KIAA1671: variants seen among roughly 807,000 people sequenced by gnomAD.
KIAA1671 encodes uncharacterized protein KIAA1671.
KIAA1671 carries 52 observed loss-of-function variants against 131.2 expected under a neutral mutation model. The observed-to-expected ratio is 0.40, with a 90% CI of 0.32 to 0.50. The LOEUF is 0.50. KIAA1671 is among the 20% of genes least tolerant of loss of function. KIAA1671 has a pLI of 0.73. For missense variants in KIAA1671, 2,360 were observed against 2,364.2 expected (o/e 1.00, Z 0.04); for synonymous variants, 1,003 against 961.6 (o/e 1.04, Z -0.80).
chr22:25,184,555 G>T (rs957018800), intron 10 of KIAA1671, among the ~76,000 whole-genome samples: 3 of 152,118 alleles, frequency 2.0e-5, no homozygotes, highest in Admixed American at 6.6e-5. Flanking sequence ...TTGCCCTCCG[G>T]TTTTCTTATG....
chr22:25,082,849 AC>A (rs1226030432), intron 6 of KIAA1671, among the ~76,000 whole-genome samples: 1 of 152,210 alleles, frequency 6.6e-6, no homozygotes, highest in Non-Finnish European at 1.5e-5. Context: ...GAACAAAAAA[AC>A]AAAAAACACC....
At position 25,148,189 on chromosome 22, in the gene KIAA1671, T is replaced by G. The variant is rs568802728; in HGVS notation, c.4531-22631T>G. Among the ~76,000 whole-genome samples the G allele has an allele frequency of 6.0e-5, 9 of 150,800 alleles. No individual in the cohort carries two copies. In the South Asian group the frequency reaches 8.5e-4, roughly 14 times the overall value. On this transcript the variant is annotated intron_variant, in intron 6 of 12. Coordinates refer to ENST00000358431, the MANE Select transcript of KIAA1671 (RefSeq NM_001145206.2). Reference sequence around the variant, plus strand: ...CCAGCCCTGCCTCAGTCCCAGCCCTTTCTCAGTCCCAGCACCCCCCTCAGT... The same window carrying G: ...CCAGCCCTGCCTCAGTCCCAGCCCTGTCTCAGTCCCAGCACCCCCCTCAGT...
At chr22:24,975,712 A>G (rs1052753296) in intron 1 of KIAA1671, among the ~76,000 whole-genome samples, 2 of 152,226 alleles carry the variant, frequency 1.3e-5, no homozygotes, top group Admixed American at 6.5e-5. Context: ...GGAGGATCCC[A>G]TCAGACAGGC....
chr22:25,011,822 A>G (rs1378167091), intron 1 of KIAA1671: 1 of 151,414 alleles, frequency 6.6e-6, no homozygotes, highest in Non-Finnish European at 1.5e-5. Context: ...TTTTTAGTAG[A>G]GACAGGGTTT....
chr22:24,979,627 G>A (rs1242981093), intron 1 of KIAA1671, among the ~76,000 whole-genome samples: 47 of 151,208 alleles, frequency 3.1e-4, no homozygotes, highest in Admixed American at 3.1e-3. Context: ...GGGATTACAG[G>A]CGTGAGCCAC....
chr22:25,014,256 G>A (rs1371828152), intron 1 of KIAA1671: 2 of 152,266 alleles, frequency 1.3e-5, no homozygotes, highest in African/African-American at 2.4e-5. Flanking sequence ...CTGAAAGATG[G>A]TCATGACATA....
intron 6 of KIAA1671, among the ~76,000 whole-genome samples, chr22:25,156,484 G>A (rs1933247134): frequency 6.6e-6 from 1 of 151,970 alleles, no homozygotes; most frequent in African/African-American, 2.4e-5. Context: ...ATTTGTGTGT[G>A]TGTGCATGTG....
At chr22:25,072,851 A>C (rs1278430432) in intron 6 of KIAA1671, among the ~76,000 whole-genome samples, 1 of 152,210 alleles carries the variant, frequency 6.6e-6, no homozygotes, top group Non-Finnish European at 1.5e-5. Context: ...TTTGGTGACC[A>C]GCTAACCAGG....
At chr22:25,013,348 C>A (rs1925139697) in intron 1 of KIAA1671, 1 of 152,078 alleles carries the variant, frequency 6.6e-6, no homozygotes, top group South Asian at 2.1e-4. Context: ...TCAGGGTCTG[C>A]TGTATTGACT....
chr22:25,087,173 C>T (rs1320058081), intron 6 of KIAA1671, among the ~76,000 whole-genome samples: 1 of 131,886 alleles, frequency 7.6e-6, no homozygotes, highest in East Asian at 2.7e-4. Flanking sequence ...GCCGCTGCCT[C>T]CGGGATCTTA....
At chr22:25,169,823 C>G (rs1488706542) in intron 6 of KIAA1671, among the ~76,000 whole-genome samples, 3 of 152,216 alleles carry the variant, frequency 2.0e-5, no homozygotes, top group African/African-American at 7.2e-5. Context: ...TGCAACAGCC[C>G]AAGGGATTGA....
Position 25,028,758 on chromosome 22 carries a change from T to A in KIAA1671, c.759T>A (p.Pro253=), listed in dbSNP as rs374338474. The A allele has an allele frequency of 4.8e-5, 75 of 1,551,236 alleles. No individual in the cohort carries two copies. In the East Asian group the frequency reaches 5.4e-4, roughly 11 times the overall value. ...VSAIFTESIQ[P]QKPGPGAAAT... ...CCATTTTCACGGAGTCCATTCAGCC[T>A]CAGAAGCCAGGCCCCGGCGCAGCGG... Residue 253 remains proline (P), a synonymous_variant, in exon 3 of 13, where the codon CCT becomes CCA. Coordinates refer to ENST00000358431, the MANE Select transcript of KIAA1671 (RefSeq NM_001145206.2).
chr22:25,102,197 A>G (rs1930722194), intron 6 of KIAA1671, among the ~76,000 whole-genome samples: 1 of 152,230 alleles, frequency 6.6e-6, no homozygotes, highest in Non-Finnish European at 1.5e-5. Context: ...GACGCTGTCA[A>G]AGTTCAGATC....
intron 5 of KIAA1671, among the ~76,000 whole-genome samples, chr22:25,043,219 G>A (rs2145810946): frequency 6.6e-6 from 1 of 152,292 alleles, no homozygotes; most frequent in African/African-American, 2.4e-5. Flanking sequence ...AAGCCACTTT[G>A]TTTTTAACAC....
At chr22:25,045,566 C>T (rs1927175890) in intron 5 of KIAA1671, among the ~76,000 whole-genome samples, 1 of 152,136 alleles carries the variant, frequency 6.6e-6, no homozygotes, top group Non-Finnish European at 1.5e-5. Flanking sequence ...TGGAAAACTA[C>T]AACAGTCTAT....
rs1221057677 is a variant in KIAA1671, at chr22:24,952,837, G to A, written c.-208+65G>A. On this transcript the variant is annotated intron_variant, in intron 1 of 12. Transcript: ENST00000358431. The surrounding 1 kb of genome is among the most constrained non-coding windows in gnomAD (Gnocchi z 4.5). ...GCCGCCTCCTGTCCCCGGCCGACGA[G>A]GTAGCTGGGGGTGACGGCGGCTGGC... 1 of 152,240 alleles carries A rather than the reference G, an allele frequency of 6.6e-6. No homozygotes were observed. Among genetic ancestry groups the A allele is most frequent in the African/African-American group, 2.4e-5 (1 of 41,450 alleles). The allele number at this position is 152,240 out of a possible 1,614,324, so 9.4% of individuals were successfully genotyped here.
chr22:25,068,081 C>A (rs370386102), intron 6 of KIAA1671, among the ~76,000 whole-genome samples: 1 of 152,240 alleles, frequency 6.6e-6, no homozygotes, highest in African/African-American at 2.4e-5. Context: ...TCAGCTGGGG[C>A]TGTCCTCTGA....
chr22:24,980,996 C>G (rs1923203573), intron 1 of KIAA1671, among the ~76,000 whole-genome samples: 2 of 152,080 alleles, frequency 1.3e-5, no homozygotes, highest in Admixed American at 1.3e-4. Context: ...ATCTGCCTGC[C>G]TTGGCCTCCC....
intron 6 of KIAA1671, among the ~76,000 whole-genome samples, chr22:25,104,593 A>G (rs11913976): frequency 0.092 from 13,987 of 151,960 alleles, 1,570 homozygotes; most frequent in African/African-American, 0.27. Context: ...CCACCCAGAT[A>G]CCCTTCTTTT....
Sources: gnomAD v4.1 joint callset for allele counts (sites outside exome capture counted in the v4.1 genomes callset) on GRCh38, gnomAD v4.1.1 for gene constraint, Gnocchi (gnomAD v3.1) non-coding constraint, MANE v1.5 for transcripts, NCBI Gene and HGNC (gene_info 2026-07-23, HGNC 2026-07-21) for gene names.